HS6ST3: variants seen among roughly 807,000 people sequenced by gnomAD.
HS6ST3 encodes the protein heparan-sulfate 6-O-sulfotransferase 3.
Under a neutral mutation model 36.7 loss-of-function variants are expected in HS6ST3, and 12 were observed. The ratio of observed to expected loss-of-function variants is 0.33; its 90% CI spans 0.21 to 0.53. HS6ST3 has a LOEUF of 0.53. Ranked by LOEUF, HS6ST3 falls within the 20% of genes least tolerant of loss-of-function variation. The pLI is 0.95. For missense variants in HS6ST3, 584 were observed against 640.9 expected (o/e 0.91, Z 0.96); for synonymous variants, 240 against 257.5 (o/e 0.93, Z 0.65).
chr13:96,472,374 C>A (rs1336048389), intron 1 of HS6ST3, among the ~76,000 whole-genome samples: 1 of 152,148 alleles, frequency 6.6e-6, no homozygotes, highest in Admixed American at 6.5e-5. Context: ...TTGGCTCAAG[C>A]CAAGTTGAAT....
chr13:96,270,365 C>A (rs2054713923), intron 1 of HS6ST3, among the ~76,000 whole-genome samples: 1 of 151,936 alleles, frequency 6.6e-6, no homozygotes, highest in South Asian at 2.1e-4. Flanking sequence ...GCAGCCCAAG[C>A]AGGCTAATAG....
chr13:96,202,589 T>A (rs1406404586), intron 1 of HS6ST3, among the ~76,000 whole-genome samples: 1 of 152,204 alleles, frequency 6.6e-6, no homozygotes, highest in Non-Finnish European at 1.5e-5. Flanking sequence ...CTCTCATTCA[T>A]CTGCAGCTGC....
intron 1 of HS6ST3, among the ~76,000 whole-genome samples, chr13:96,451,562 A>T (rs1290348262): frequency 1.3e-5 from 2 of 152,178 alleles, no homozygotes; most frequent in Non-Finnish European, 1.5e-5. Context: ...AGGTAACACA[A>T]ATGCATCTCT....
At chr13:96,766,707 T>C (rs543257151) in intron 1 of HS6ST3, among the ~76,000 whole-genome samples, 108 of 152,328 alleles carry the variant, frequency 7.1e-4, no homozygotes, top group African/African-American at 2.5e-3. Context: ...CGTCTTTTTA[T>C]TTTCTGATGA....
chr13:96,545,145 C>G (rs958609887), intron 1 of HS6ST3, among the ~76,000 whole-genome samples: 1 of 152,124 alleles, frequency 6.6e-6, no homozygotes, highest in Admixed American at 6.6e-5. Context: ...ATGAGGAAGT[C>G]ATGGTGGGTT....
rs555941170 is a variant in HS6ST3 at position 96,340,774 on chromosome 13, G to A, written c.707+249205G>A. Among the ~76,000 whole-genome samples the A allele has an allele frequency of 2.6e-5, 4 of 152,336 alleles. No homozygotes were observed. In the South Asian group the frequency reaches 8.3e-4, roughly 32 times the overall value. On this transcript the variant is annotated intron_variant, in intron 1 of 1. Coordinates refer to ENST00000376705, the MANE Select transcript of HS6ST3 (RefSeq NM_153456.4). ...GGGCTTAACATACTATTCTATATAA[G>A]AGATGGTCAGTATGTTTTTTGAATG...
chr13:96,322,745 T>C (rs1020448631), intron 1 of HS6ST3, among the ~76,000 whole-genome samples: 14 of 152,204 alleles, frequency 9.2e-5, no homozygotes, highest in African/African-American at 1.9e-4. Context: ...TTTTCCTTTC[T>C]TTCATGAACC....
At chr13:96,527,159 G>A (rs1419842049) in intron 1 of HS6ST3, among the ~76,000 whole-genome samples, 1 of 151,646 alleles carries the variant, frequency 6.6e-6, no homozygotes, top group Non-Finnish European at 1.5e-5. Flanking sequence ...GAACAATCAC[G>A]GCTCACTGCA....
At chr13:96,649,905 A>G (rs994520592) in intron 1 of HS6ST3, among the ~76,000 whole-genome samples, 10 of 151,862 alleles carry the variant, frequency 6.6e-5, no homozygotes, top group African/African-American at 2.2e-4. Flanking sequence ...ATTTCCTGTC[A>G]TACTCCCTCT....
chr13:96,227,606 T>G (rs867450850), intron 1 of HS6ST3, among the ~76,000 whole-genome samples: 1 of 152,340 alleles, frequency 6.6e-6, no homozygotes, highest in South Asian at 2.1e-4. Context: ...CTGATTTCTA[T>G]CCTGCAGTGA....
intron 1 of HS6ST3, among the ~76,000 whole-genome samples, chr13:96,266,619 G>A (rs2054693643): frequency 6.6e-6 from 1 of 152,002 alleles, no homozygotes; most frequent in South Asian, 2.1e-4. Flanking sequence ...TTTTAGATTT[G>A]CACTAATTCC....
chr13:96,174,409 T>G (rs1279101849), intron 1 of HS6ST3, among the ~76,000 whole-genome samples: 1 of 152,174 alleles, frequency 6.6e-6, no homozygotes, highest in Non-Finnish European at 1.5e-5. Context: ...TTTAATTAAT[T>G]TATTTATTGA....
At chr13:96,464,894 T>C (rs1453888010) in intron 1 of HS6ST3, among the ~76,000 whole-genome samples, 1 of 151,836 alleles carries the variant, frequency 6.6e-6, no homozygotes, top group South Asian at 2.1e-4. Context: ...CAGCACATAG[T>C]TATCCACAGT....
At chr13:96,104,830 G>A (rs2053833654) in intron 1 of HS6ST3, among the ~76,000 whole-genome samples, 1 of 152,070 alleles carries the variant, frequency 6.6e-6, no homozygotes, top group South Asian at 2.1e-4. Flanking sequence ...TTCCCTTTGT[G>A]GCCCGGTGTG....
chr13:96,517,586 T>C (rs2056077544), intron 1 of HS6ST3, among the ~76,000 whole-genome samples: 1 of 152,136 alleles, frequency 6.6e-6, no homozygotes, highest in Non-Finnish European at 1.5e-5. Flanking sequence ...AGGTGTCGGC[T>C]ACATTTTCCT....
intron 1 of HS6ST3, among the ~76,000 whole-genome samples, chr13:96,351,166 A>G (rs2055180866): frequency 6.6e-6 from 1 of 152,146 alleles, no homozygotes; most frequent in African/African-American, 2.4e-5. Context: ...AAGATAATAA[A>G]CTATGACAAC....
chr13:96,185,215 C>G (rs2054259762), intron 1 of HS6ST3, among the ~76,000 whole-genome samples: 1 of 152,174 alleles, frequency 6.6e-6, no homozygotes, highest in Non-Finnish European at 1.5e-5. Flanking sequence ...TAAGTTTGTC[C>G]ATCACATAGC....
chr13:96,244,002 TAAA>T (rs1253008301), intron 1 of HS6ST3, among the ~76,000 whole-genome samples: 1 of 151,696 alleles, frequency 6.6e-6, no homozygotes, highest in East Asian at 1.9e-4. Context: ...ATAAACAAAC[TAAA>T]AAAGGCCCCC....
chr13:96,188,151 A>T (rs1267363902), intron 1 of HS6ST3, among the ~76,000 whole-genome samples: 1 of 152,172 alleles, frequency 6.6e-6, no homozygotes, highest in African/African-American at 2.4e-5. Flanking sequence ...TACTATCACA[A>T]GTGAGGTTTA....
Sources: gnomAD v4.1 joint callset for allele counts (sites outside exome capture counted in the v4.1 genomes callset) on GRCh38, gnomAD v4.1.1 for gene constraint, MANE v1.5 for transcripts, NCBI Gene and HGNC (gene_info 2026-07-23, HGNC 2026-07-21) for gene names.